Variants in GABRA3 observed in about 807,000 individuals in gnomAD.
GABRA3 encodes gamma-aminobutyric acid type A receptor subunit alpha3.
Under a neutral mutation model 30.1 loss-of-function variants are expected in GABRA3, and 10 were observed. The observed-to-expected ratio is 0.33, with a 90% CI of 0.20 to 0.56. GABRA3 has a LOEUF of 0.56. GABRA3 is among the 20% of genes least tolerant of loss of function. GABRA3 has a pLI of 0.89. For synonymous variants in GABRA3, 151 were observed against 146.8 expected (o/e 1.03, Z -0.21); for missense variants, 233 against 392.0 (o/e 0.59, Z 3.42).
At chrX:152,422,485 C>T (rs766382989) in intron 1 of GABRA3, among the ~76,000 whole-genome samples, 1 of 110,261 alleles carries the variant, frequency 9.1e-6, no homozygotes, top group Non-Finnish European at 1.9e-5. Context: ...ATAGTGGTTA[C>T]ATTTAACAAA....
chrX:152,376,659 CTTTT>C (rs369673791), intron 1 of GABRA3, among the ~76,000 whole-genome samples: 26 of 111,720 alleles, frequency 2.3e-4, no homozygotes, highest in African/African-American at 8.4e-4. Flanking sequence ...TACCTTCTTT[CTTTT>C]ATCAATCAAG....
intron 1 of GABRA3, among the ~76,000 whole-genome samples, chrX:152,406,766 T>G (rs893286162): frequency 1.8e-5 from 2 of 110,107 alleles, no homozygotes; most frequent in African/African-American, 6.6e-5. Context: ...ATAATAGACA[T>G]TTGCAAAATA....
intron 7 of GABRA3, among the ~76,000 whole-genome samples, chrX:152,207,060 T>G (rs947903052): frequency 8.9e-5 from 10 of 112,014 alleles, no homozygotes; most frequent in African/African-American, 3.2e-4. Flanking sequence ...TAAATCCTGT[T>G]TGTCCTTCAA....
At chrX:152,244,369 A>C (rs1213951298) in intron 5 of GABRA3, among the ~76,000 whole-genome samples, 1 of 112,080 alleles carries the variant, frequency 8.9e-6, no homozygotes, top group Admixed American at 9.5e-5. Context: ...AGGGCATTAG[A>C]GAAGTGATTA....
chrX:152,385,554 C>A (rs1371579550), intron 1 of GABRA3, among the ~76,000 whole-genome samples: 1 of 111,904 alleles, frequency 8.9e-6, no homozygotes, highest in Non-Finnish European at 1.9e-5. Flanking sequence ...CCTGTTCACT[C>A]TGATGGTAGT....
chrX:152,215,360 C>A (rs1434084982), intron 6 of GABRA3, among the ~76,000 whole-genome samples: 1 of 110,811 alleles, frequency 9.0e-6, no homozygotes, highest in Non-Finnish European at 1.9e-5. Context: ...TAGTTAAGAG[C>A]TTTCATCAGG....
At chrX:152,281,066 G>A (rs1939190951) in intron 4 of GABRA3, among the ~76,000 whole-genome samples, 1 of 110,907 alleles carries the variant, frequency 9.0e-6, no homozygotes, top group African/African-American at 3.3e-5. Flanking sequence ...TGAGAGCTAG[G>A]ATGGAAGCTA....
At chrX:152,357,356 T>G (rs1940565742) in intron 2 of GABRA3, among the ~76,000 whole-genome samples, 1 of 112,047 alleles carries the variant, frequency 8.9e-6, no homozygotes, top group South Asian at 3.7e-4. Flanking sequence ...GTGGTTTTGA[T>G]TTGCATTTCT....
At chrX:152,266,484 A>G (rs1938826805) in intron 4 of GABRA3, among the ~76,000 whole-genome samples, 1 of 112,191 alleles carries the variant, frequency 8.9e-6, no homozygotes, top group Non-Finnish European at 1.9e-5. Context: ...ACAGAAAAGT[A>G]ACGATCACCT....
intron 1 of GABRA3, among the ~76,000 whole-genome samples, chrX:152,429,211 G>A (rs1361133316): frequency 9.0e-6 from 1 of 110,975 alleles, no homozygotes; most frequent in Non-Finnish European, 1.9e-5. Flanking sequence ...CCTAGTGTTT[G>A]CTAAATATTC....
At chrX:152,284,576 A>C (rs1451636051) in intron 4 of GABRA3, 92 bp downstream of exon 4, 5 of 578,902 alleles carry the variant, frequency 8.6e-6, no homozygotes, top group Admixed American at 3.0e-5. Context: ...ACTCCTTAGA[A>C]TATAGCTACA....
intron 2 of GABRA3, 98 bp from the exon 3 acceptor site, chrX:152,345,800 G>A: frequency 1.1e-5 from 9 of 792,168 alleles, no homozygotes; most frequent in Non-Finnish European, 1.6e-5. Flanking sequence ...TTAATAGACT[G>A]GGCCAATTAC....
intron 4 of GABRA3, among the ~76,000 whole-genome samples, chrX:152,275,314 A>G (rs1369721573): frequency 3.8e-5 from 1 of 26,333 alleles, no homozygotes; most frequent in African/African-American, 1.4e-4. Flanking sequence ...ATAAATATAT[A>G]TAATATATAA....
rs770093770 is a variant in GABRA3 at position 152,278,556 on chromosome X, G to C, written c.330+6112C>G. Among the ~76,000 whole-genome samples, 6 of 111,617 alleles carry C rather than the reference G, an allele frequency of 5.4e-5. No homozygotes were observed. In the East Asian group the frequency reaches 1.7e-3, roughly 32 times the overall value. ...CCAAGTCTTCGCTATTGTGAATAGT[G>C]CCACAATAAACATACATGTGCATGT... On this transcript the variant is annotated intron_variant, in intron 4 of 9. Transcript: ENST00000370314.
chrX:152,357,424 C>T (rs1015277394), intron 2 of GABRA3, among the ~76,000 whole-genome samples: 15 of 111,639 alleles, frequency 1.3e-4, no homozygotes, highest in African/African-American at 4.9e-4. Context: ...AAAAAAATGT[C>T]TTCTTTTGAG....
chrX:152,182,606 T>A (rs1242310624), intron 9 of GABRA3, among the ~76,000 whole-genome samples: 4 of 38,866 alleles, frequency 1.0e-4, no homozygotes, highest in Non-Finnish European at 2.0e-4. Flanking sequence ...CTATATATAC[T>A]ATATATGCAT....
chrX:152,182,249 G>A (rs1215130774), intron 9 of GABRA3, among the ~76,000 whole-genome samples: 1 of 104,884 alleles, frequency 9.5e-6, no homozygotes, highest in Non-Finnish European at 2.0e-5. Context: ...GTCAAGATGA[G>A]TATTTTTTTT....
rs561888270 is a variant in GABRA3, at chrX:152,280,828, G to C, written c.330+3840C>G. ...CTAAGCAAAGTATTCCTGGGGAGAG[G>C]GTGAGGTTAATAATACCTAAAATTG... On this transcript the variant is annotated intron_variant, in intron 4 of 9. Transcript: ENST00000370314. 8.3e-4 allele frequency among the ~76,000 whole-genome samples: 92 copies of C among 110,604 alleles called. 1 individual carries two copies. The highest frequency in any genetic ancestry group is 1.9e-4 in the Non-Finnish European group (10 of 52,819).
At chrX:152,177,397 C>T (rs1430322468) in intron 9 of GABRA3, among the ~76,000 whole-genome samples, 1 of 110,990 alleles carries the variant, frequency 9.0e-6, no homozygotes, top group Non-Finnish European at 1.9e-5. Context: ...GGATAAATAA[C>T]CATAGAGAAA....
Sources: allele counts gnomAD v4.1 joint callset (sites outside exome capture counted in the v4.1 genomes callset), GRCh38; gene constraint gnomAD v4.1.1; transcripts MANE v1.5; gene names NCBI Gene and HGNC (gene_info 2026-07-23, HGNC 2026-07-21).